The following MAPT variants were observed in gnomAD, a reference collection of about 807,000 sequenced individuals.
The protein encoded by MAPT is microtubule associated protein tau.
Under a neutral mutation model 67.9 loss-of-function variants are expected in MAPT, and 34 were observed. That is an observed-to-expected ratio of 0.50 (90% CI 0.38 to 0.67). The LOEUF (loss-of-function observed/expected upper bound fraction) is 0.67. Ranked by LOEUF, MAPT falls within the 30% of genes least tolerant of loss-of-function variation. MAPT has a pLI of 0.00. For missense variants in MAPT, 881 were observed against 1,115.2 expected, an observed-to-expected ratio of 0.79 and a Z score of 2.99; for synonymous variants, 456 against 464.5, an observed-to-expected ratio of 0.98 and a Z score of 0.23.
At chr17:45,903,940 A>AT (rs2063875471) in intron 1 of MAPT, among the ~76,000 whole-genome samples, 3 of 29,166 alleles carry the variant, frequency 1.0e-4, no homozygotes, top group African/African-American at 4.3e-4. Flanking sequence ...ATATATTTAT[A>AT]TATAATATAT....
chr17:45,991,951 A>AT (rs1235817605), intron 8 of MAPT, among the ~76,000 whole-genome samples: 15 of 151,734 alleles, frequency 9.9e-5, no homozygotes, highest in African/African-American at 3.6e-4. Context: ...TGCCCGGCTA[A>AT]TTTTTTGTAT....
At chr17:46,003,353 A>T (rs1329457114) in intron 9 of MAPT, among the ~76,000 whole-genome samples, 1 of 151,958 alleles carries the variant, frequency 6.6e-6, no homozygotes, top group East Asian at 1.9e-4. Flanking sequence ...ATCTCGGCTC[A>T]CTGCAACCTC....
intron 1 of MAPT, among the ~76,000 whole-genome samples, chr17:45,935,529 G>A (rs1033412714): frequency 6.6e-6 from 1 of 152,236 alleles, no homozygotes; most frequent in Middle Eastern, 3.4e-3. Context: ...CATCACCAGA[G>A]CCAAAACTCA....
chr17:45,925,526 G>A (rs1300737311), intron 1 of MAPT, among the ~76,000 whole-genome samples: 1 of 152,252 alleles, frequency 6.6e-6, no homozygotes, highest in African/African-American at 2.4e-5. Flanking sequence ...TCCTAAGGAA[G>A]TAGTCACATG....
At chr17:46,004,967 G>T (rs1008476973) in intron 9 of MAPT, among the ~76,000 whole-genome samples, 1 of 152,126 alleles carries the variant, frequency 6.6e-6, no homozygotes, top group Admixed American at 6.5e-5. Context: ...TGTATTTTTA[G>T]TAGAGACGGG....
rs1367867723 is a variant in MAPT at position 46,027,113 on chromosome 17, GCC to G, written c.*2947_*2948del. 1 of 152,066 alleles carries G rather than the reference GCC, an allele frequency of 6.6e-6. No homozygotes were observed. The highest frequency in any genetic ancestry group is 6.6e-5 in the Admixed American group (1 of 15,250). 9.4% of individuals were successfully genotyped at this position (152,066 alleles called of 1,614,324 possible). ...TAGATTTGGTGGTGGTTAGAGATATGCCCCCCTCATTACTGCCAACAGTTTCG... is the reference window on the plus strand; with the variant it reads ...TAGATTTGGTGGTGGTTAGAGATATGCCCCTCATTACTGCCAACAGTTTCG... On this transcript the variant is annotated 3_prime_UTR_variant, in exon 13 of 13. Coordinates refer to ENST00000262410, the MANE Select transcript of MAPT (RefSeq NM_001377265.1).
chr17:45,895,415 AG>A (rs150602007), intron 1 of MAPT: 17,712 of 152,240 alleles, frequency 0.12, 1,088 homozygotes, highest in African/African-American at 0.14. Flanking sequence ...CAGAGACGCG[AG>A]CAGCGCCGTG....
intron 1 of MAPT, among the ~76,000 whole-genome samples, chr17:45,946,615 A>AAAAAAAAATATATATATAT: frequency 6.0e-5 from 6 of 100,400 alleles, no homozygotes; most frequent in Non-Finnish European, 7.8e-5. Flanking sequence ...AAAAAAAAAA[A>AAAAAAAAATATATATATAT]ATATATATAT....
At chr17:45,956,748 C>G (rs916905394) in intron 1 of MAPT, among the ~76,000 whole-genome samples, 1 of 150,356 alleles carries the variant, frequency 6.7e-6, no homozygotes, top group Non-Finnish European at 1.5e-5. Context: ...CCTCCCCACT[C>G]CCCCCACCCC....
intron 12 of MAPT, among the ~76,000 whole-genome samples, chr17:46,022,603 ATGCTCAAAGAGCCTAGG>A (rs1368344987): frequency 6.6e-6 from 1 of 152,150 alleles, no homozygotes; most frequent in East Asian, 1.9e-4. Context: ...GCTTTACCAG[ATGCTCAAAGAGCCTAGG>A]ACCCAAAAAG....
chr17:45,936,788 C>T (rs1047666926), intron 1 of MAPT, among the ~76,000 whole-genome samples: 2 of 152,202 alleles, frequency 1.3e-5, no homozygotes, highest in African/African-American at 2.4e-5. Flanking sequence ...ATTAACGATC[C>T]ACATCTGGAC....
intron 1 of MAPT, among the ~76,000 whole-genome samples, chr17:45,912,366 T>A (rs2064855918): frequency 6.6e-6 from 1 of 152,222 alleles, no homozygotes. Context: ...GGGATTATCC[T>A]GTATTATCTA....
Position 45,917,934 on chromosome 17 carries a change from G to A in MAPT, c.-18+23248G>A, listed in dbSNP as rs187377420. On this transcript the variant is annotated intron_variant, in intron 1 of 12. Transcript: ENST00000262410. ...ACTACAGGTGCGCACCACCATGCCCGACTAATTTTTGTATTATTAGTAGAG... is the reference window on the plus strand; with the variant it reads ...ACTACAGGTGCGCACCACCATGCCCAACTAATTTTTGTATTATTAGTAGAG... 1.5e-4 allele frequency among the ~76,000 whole-genome samples: 23 copies of A among 152,130 alleles called. No homozygotes were observed. In the East Asian group the frequency reaches 3.5e-3, roughly 23 times the overall value.
In MAPT at chr17:45,995,125, G is replaced by A. The variant is rs2074372116; in HGVS notation, c.1733-1274G>A. The stretch of plus-strand genomic sequence containing the variant: ...TTCGTCACTGGCCAAGCTGCCCATT[G>A]GCTACATGGGTGCTTCAAAGAGCTG... On this transcript the variant is annotated intron_variant, in intron 8 of 12. Transcript: ENST00000262410. This position sits in a 1 kb window ranked among gnomAD's most constrained non-coding sequence, Gnocchi z 4.3. Among the ~76,000 whole-genome samples, 1 of 152,156 alleles carries A rather than the reference G, an allele frequency of 6.6e-6. No homozygotes were observed. The highest frequency in any genetic ancestry group is 1.5e-5 in the Non-Finnish European group (1 of 68,028).
intron 1 of MAPT, among the ~76,000 whole-genome samples, chr17:45,916,561 G>C (rs1014508257): frequency 6.6e-6 from 1 of 152,158 alleles, no homozygotes; most frequent in African/African-American, 2.4e-5. Flanking sequence ...GAAGAGAAAG[G>C]AGGGGCCCAA....
chr17:45,945,141 A>C (rs558611595), intron 1 of MAPT, among the ~76,000 whole-genome samples: 1 of 151,982 alleles, frequency 6.6e-6, no homozygotes, highest in Non-Finnish European at 1.5e-5. Flanking sequence ...CTCCAAACCC[A>C]CCCAGTGCCA....
At chr17:46,012,013 G>A (rs1217233724) in intron 10 of MAPT, among the ~76,000 whole-genome samples, 1 of 152,198 alleles carries the variant, frequency 6.6e-6, no homozygotes, top group Non-Finnish European at 1.5e-5. Flanking sequence ...TGAGGGGACA[G>A]AAGAGGTGTG....
intron 8 of MAPT, among the ~76,000 whole-genome samples, chr17:45,992,810 G>A (rs1473167957): frequency 6.7e-6 from 1 of 149,912 alleles, no homozygotes; most frequent in Non-Finnish European, 1.5e-5. Context: ...AGAATCACTT[G>A]AACCCAGGAG....
chr17:46,006,499 A>G (rs928131894), intron 9 of MAPT, among the ~76,000 whole-genome samples: 9 of 152,158 alleles, frequency 5.9e-5, no homozygotes, highest in African/African-American at 1.9e-4. Context: ...TAGCATGCAT[A>G]GATCTAGTAT....
Sources: gnomAD v4.1 joint callset for allele counts (sites outside exome capture counted in the v4.1 genomes callset) on GRCh38, gnomAD v4.1.1 for gene constraint, Gnocchi (gnomAD v3.1) non-coding constraint, MANE v1.5 for transcripts, NCBI Gene and HGNC (gene_info 2026-07-23, HGNC 2026-07-21) for gene names.